The following CHAT variants were observed in gnomAD, a reference collection of about 807,000 sequenced individuals.
CHAT encodes the protein choline O-acetyltransferase, also known as acetyl CoA:choline O-acetyltransferase.
CHAT carries 61 observed loss-of-function variants against 76.9 expected under a neutral mutation model. That is an observed-to-expected ratio of 0.79 (90% CI 0.65 to 0.98). The LOEUF is 0.98. CHAT is among the 50% of genes least tolerant of loss of function. CHAT has a pLI of 0.00. For synonymous variants in CHAT, 407 were observed against 397.4 expected (o/e 1.02, Z -0.29); for missense variants, 946 against 986.9 (o/e 0.96, Z 0.56).
rs931017762 is a variant in CHAT, at chr10:49,666,971, T to C, written c.*1925T>C. On this transcript the variant is annotated 3_prime_UTR_variant, in exon 15 of 15. Transcript: ENST00000337653. ...CCCTCCATGGATTTCTGCGCAGACA[T>C]AGAGCTCCAGCTATGGGGCCAGGCA... Among the ~76,000 whole-genome samples the C allele has an allele frequency of 2.6e-5, 4 of 152,288 alleles. No homozygotes were observed. The highest frequency in any genetic ancestry group is 6.5e-5 in the Admixed American group (1 of 15,302).
Position 49,614,086 on chromosome 10 carries a change from C to G in CHAT, c.-104C>G. The G allele has an allele frequency of 6.5e-7, 1 of 1,541,188 alleles. No individual in the cohort carries two copies. The highest frequency in any genetic ancestry group is 8.7e-7 in the Non-Finnish European group (1 of 1,145,652). ...CATGGGCGGGACAGTGTTCTGTGCC[C>G]CCTTCTAGAGCCTAAATTTGTTGCC... On this transcript the variant is annotated 5_prime_UTR_variant, in exon 1 of 15. Coordinates refer to ENST00000337653, the MANE Select transcript of CHAT (RefSeq NM_020549.5).
chr10:49,646,905 C>T (rs1839689393), intron 8 of CHAT, among the ~76,000 whole-genome samples: 1 of 152,174 alleles, frequency 6.6e-6, no homozygotes, highest in African/African-American at 2.4e-5. Context: ...TCTCAGGAGC[C>T]AGTGGCCGAA....
At chr10:49,630,604 G>T (rs1382243828) in intron 7 of CHAT, among the ~76,000 whole-genome samples, 1 of 152,224 alleles carries the variant, frequency 6.6e-6, no homozygotes, top group East Asian at 1.9e-4. Context: ...GCAGAAAAAT[G>T]AGGGAGTTGC....
upstream of CHAT, among the ~76,000 whole-genome samples, chr10:49,609,875 C>T (rs1243256417): frequency 6.6e-6 from 1 of 152,120 alleles, no homozygotes; most frequent in African/African-American, 2.4e-5. Context: ...GCTTCCTGCT[C>T]GCTGTGCGCC....
chr10:49,636,593 G>A (rs998036200), intron 7 of CHAT, among the ~76,000 whole-genome samples: 2 of 152,174 alleles, frequency 1.3e-5, no homozygotes, highest in African/African-American at 4.8e-5. Flanking sequence ...TATAAATGTG[G>A]TATCAATTCT....
At chr10:49,659,644 C>T (rs761321391) in intron 13 of CHAT, among the ~76,000 whole-genome samples, 2 of 151,974 alleles carry the variant, frequency 1.3e-5, no homozygotes, top group African/African-American at 2.4e-5. Flanking sequence ...GGTGGATCAC[C>T]TGAGGTCAGG....
intron 7 of CHAT, among the ~76,000 whole-genome samples, chr10:49,643,108 T>C (rs1308288237): frequency 3.9e-5 from 6 of 152,248 alleles, no homozygotes; most frequent in African/African-American, 1.4e-4. Flanking sequence ...GTCAAGATAT[T>C]TGGTTTCTCT....
At chr10:49,619,616 G>A in intron 2 of CHAT, 109 bp from the exon 3 acceptor site, 1 of 1,086,278 alleles carries the variant, frequency 9.2e-7, no homozygotes, top group Non-Finnish European at 1.4e-6. Flanking sequence ...GGGGTCCCAG[G>A]GTAGAGAACA....
intron 10 of CHAT, among the ~76,000 whole-genome samples, chr10:49,650,276 C>T (rs1839833745): frequency 6.6e-6 from 1 of 152,158 alleles, no homozygotes; most frequent in African/African-American, 2.4e-5. Flanking sequence ...TCTGAGAACA[C>T]AGAAAGTTAA....
At chr10:49,639,632 G>A (rs1590596538) in intron 7 of CHAT, among the ~76,000 whole-genome samples, 1 of 151,706 alleles carries the variant, frequency 6.6e-6, no homozygotes, top group East Asian at 1.9e-4. Flanking sequence ...CTCTCTTGCT[G>A]TTTTCAAGAT....
In CHAT at chr10:49,616,060, C is replaced by T. The variant is rs41306415; in HGVS notation, c.287-442C>T. The T allele has an allele frequency of 0.011, 17,802 of 1,613,784 alleles. 137 individuals are homozygous for T. The highest frequency in any genetic ancestry group is 0.021 in the Middle Eastern group (125 of 6,060). ...CCCTACTCCACACCAGAGATGTGGC[C>T]GGAATGCAGAGATGAAGCACTGAGC... On this transcript the variant is annotated intron_variant, in intron 1 of 14. Coordinates refer to ENST00000337653, the MANE Select transcript of CHAT (RefSeq NM_020549.5).
At chr10:49,610,251 C>G (rs978825634), upstream of CHAT, 1 of 152,768 alleles carries the variant, frequency 6.5e-6, no homozygotes, top group Non-Finnish European at 1.5e-5. Context: ...GGGGCTGGGA[C>G]TCGCCGCGTC....
rs777142490 is a variant in CHAT, at chr10:49,646,560, C to G, written c.1167C>G (p.Cys389Trp). ...DMIERCICLV[C>W]LDAPGGVELS... ...TTGAGCGCTGCATCTGCCTTGTATG[C>G]CTGGACGCGCCAGGAGGCGTGGAGC... The change falls in exon 8 of 15, where the codon TGC (cysteine) becomes TGG (tryptophan). Residue 389 changes from cysteine to tryptophan, a missense_variant. Transcript: ENST00000337653. The G allele has an allele frequency of 6.2e-7, 1 of 1,614,116 alleles. No homozygotes were observed. The highest frequency in any genetic ancestry group is 8.5e-7 in the Non-Finnish European group (1 of 1,180,048).
chr10:49,646,986 C>T (rs1839692808), intron 8 of CHAT: 2 of 455,224 alleles, frequency 4.4e-6, no homozygotes, highest in African/African-American at 2.0e-5. Flanking sequence ...GGGCCCATTT[C>T]CCATCACCCA....
At chr10:49,617,184 C>G (rs1193961232) in intron 2 of CHAT, among the ~76,000 whole-genome samples, 1 of 152,150 alleles carries the variant, frequency 6.6e-6, no homozygotes, top group Admixed American at 6.5e-5. Context: ...CCCCCTTCCC[C>G]CTTCCCCTTT....
At position 49,648,593 on chromosome 10, in the gene CHAT, T is replaced by C; in HGVS notation, c.1368T>C (p.His456=). 2.5e-6 allele frequency: 4 copies of C among 1,612,560 alleles called. No individual in the cohort carries two copies. Among genetic ancestry groups the C allele is most frequent in the Non-Finnish European group, 3.4e-6 (4 of 1,178,818 alleles). Residue 456 remains histidine (H), a synonymous_variant, in exon 9 of 15, where the codon CAT becomes CAC. Coordinates refer to ENST00000337653, the MANE Select transcript of CHAT (RefSeq NM_020549.5). ...TCGTCCTGGTGCAGTGCACTGAGCA[T>C]CTGCTCAAGCACGTGTGAGTCTGGA... The part of the protein sequence containing the change: ...DGIVLVQCTE[H]LLKHVTQSSR...
In CHAT at chr10:49,655,387, C is replaced by T. The variant is rs1312900652; in HGVS notation, c.1778C>T (p.Ala593Val). ...GCTGCCTCTGTGTTCTGTTGACAGGCTTCTGAGAAGCTTCTGCTCCTGAAG... is the reference window on the plus strand; with the variant it reads ...GCTGCCTCTGTGTTCTGTTGACAGGTTTCTGAGAAGCTTCTGCTCCTGAAG... ...AVTDHKAAVPASEKLLLLKDA... is the reference protein window; with the variant it reads ...AVTDHKAAVPVSEKLLLLKDA... Residue 593 changes from alanine (A) to valine (V), a missense_variant and splice_region_variant, in exon 13 of 15, where the codon GCT becomes GTT. By Grantham distance (64) the Ala-to-Val change is moderately conservative. This residue lies in a region of CHAT where 349 missense variants were observed against 393.9 expected (regional missense o/e 0.89). Transcript: ENST00000337653. 1 of 1,614,142 alleles carries T rather than the reference C, an allele frequency of 6.2e-7. No individual in the cohort carries two copies. The highest frequency in any genetic ancestry group is 1.7e-5 in the Admixed American group (1 of 60,036).
Position 49,665,213 on chromosome 10 carries a change from G to T in CHAT, c.*167G>T. On this transcript the variant is annotated 3_prime_UTR_variant, in exon 15 of 15. Coordinates refer to ENST00000337653, the MANE Select transcript of CHAT (RefSeq NM_020549.5). ...CAGAGCCGGAGTGTTAGGAGGAAAG[G>T]GTCCCCTCTTCATGCATGGGAATCA... The T allele has an allele frequency of 1.3e-6, 1 of 771,784 alleles. No individual in the cohort carries two copies. 47.8% of individuals were successfully genotyped at this position (771,784 alleles called of 1,614,324 possible).
At chr10:49,651,272 G>C (rs1203189693) in intron 10 of CHAT, among the ~76,000 whole-genome samples, 1 of 151,972 alleles carries the variant, frequency 6.6e-6, no homozygotes, top group Non-Finnish European at 1.5e-5. Flanking sequence ...CCCACCGAGA[G>C]CTGAGCTGCT....
Sources: gnomAD v4.1 joint callset for allele counts (sites outside exome capture counted in the v4.1 genomes callset) on GRCh38, gnomAD v4.1.1 for gene constraint, gnomAD v4.1.1 regional missense constraint, MANE v1.5 for transcripts, NCBI Gene and HGNC (gene_info 2026-07-23, HGNC 2026-07-21) for gene names.